Variants in DGKB observed in about 807,000 individuals in gnomAD.
DGKB encodes 90 kDa diacylglycerol kinase.
Under a neutral mutation model 114.3 loss-of-function variants are expected in DGKB, and 67 were observed. That is an observed-to-expected ratio of 0.59 (90% confidence interval 0.48 to 0.72). The LOEUF (loss-of-function observed/expected upper bound fraction) is 0.72, where lower values mean the gene tolerates loss of function less well. Ranked by LOEUF, DGKB falls within the 30% of genes least tolerant of loss-of-function variation. DGKB has a pLI of 0.00. For synonymous variants in DGKB, 398 were observed against 323.1 expected, an observed-to-expected ratio of 1.23 and a Z score of -2.49; for missense variants, 907 against 975.2, an observed-to-expected ratio of 0.93 and a Z score of 0.93.
At chr7:14,958,812 G>T (rs542036859) in intron 1 of DGKB, among the ~76,000 whole-genome samples, 2 of 152,028 alleles carry the variant, frequency 1.3e-5, no homozygotes, top group Non-Finnish European at 2.9e-5. Flanking sequence ...CCCACATAGC[G>T]TGCTGGAATC....
intron 21 of DGKB, among the ~76,000 whole-genome samples, chr7:14,383,993 G>A (rs1449752926): frequency 6.6e-6 from 1 of 152,146 alleles, no homozygotes; most frequent in Non-Finnish European, 1.5e-5. Flanking sequence ...CCATACTTTG[G>A]TCATCATCAA....
chr7:14,658,953 G>A (rs976759478), intron 13 of DGKB, among the ~76,000 whole-genome samples: 1 of 151,760 alleles, frequency 6.6e-6, no homozygotes, highest in African/African-American at 2.4e-5. Context: ...CGCAGAATGT[G>A]CAGGTTTGTT....
chr7:14,699,508 T>C (rs1012763526), intron 7 of DGKB, among the ~76,000 whole-genome samples: 1 of 152,194 alleles, frequency 6.6e-6, no homozygotes, highest in African/African-American at 2.4e-5. Flanking sequence ...AGGTTAAACA[T>C]GTTATTATAC....
At chr7:14,336,434 T>A (rs1029656324) in intron 23 of DGKB, among the ~76,000 whole-genome samples, 2 of 152,226 alleles carry the variant, frequency 1.3e-5, no homozygotes, top group Non-Finnish European at 2.9e-5. Flanking sequence ...AACATACTTC[T>A]GTTTTTGCTC....
chr7:14,891,968 G>T (rs557254775), intron 1 of DGKB, among the ~76,000 whole-genome samples: 42 of 151,340 alleles, frequency 2.8e-4, no homozygotes, highest in Non-Finnish European at 4.4e-4. Flanking sequence ...AAAATGCAAA[G>T]CCATTGAGAA....
chr7:14,228,226 A>C (rs899519789), intron 23 of DGKB, among the ~76,000 whole-genome samples: 27 of 152,022 alleles, frequency 1.8e-4, no homozygotes, highest in African/African-American at 6.5e-4. Context: ...CACAGGGTAG[A>C]AACAGCTGGA....
Position 14,727,947 on chromosome 7 carries a change from G to T in DGKB, c.322+8094C>A, listed in dbSNP as rs535055365. On this transcript the variant is annotated intron_variant, in intron 5 of 25. Coordinates refer to ENST00000402815, the MANE Select transcript of DGKB (RefSeq NM_001350709.2). Reference sequence around the variant, plus strand: ...TTGGTGAAAGAACATTTCTCCCAAGGTTCAAGTATCTCATTCTCATTGTAC... The same window carrying T: ...TTGGTGAAAGAACATTTCTCCCAAGTTTCAAGTATCTCATTCTCATTGTAC... 2.3e-3 allele frequency among the ~76,000 whole-genome samples: 355 copies of T among 152,210 alleles called. 3 individuals carry two copies. Among genetic ancestry groups the T allele is most frequent in the Non-Finnish European group, 2.0e-3 (137 of 68,008 alleles).
chr7:14,853,564 A>T (rs565207835), intron 1 of DGKB, among the ~76,000 whole-genome samples: 2 of 152,074 alleles, frequency 1.3e-5, no homozygotes, highest in East Asian at 3.9e-4. Context: ...TTGAAATATA[A>T]TTATTCTTTA....
intron 20 of DGKB, among the ~76,000 whole-genome samples, chr7:14,486,323 A>T (rs1474479397): frequency 6.6e-6 from 1 of 152,188 alleles, no homozygotes; most frequent in African/African-American, 2.4e-5. Flanking sequence ...ATTGGAGGAA[A>T]GTTTACTCTT....
At chr7:14,926,055 T>C (rs1344928825) in intron 1 of DGKB, among the ~76,000 whole-genome samples, 1 of 152,140 alleles carries the variant, frequency 6.6e-6, no homozygotes, top group Non-Finnish European at 1.5e-5. Flanking sequence ...TTTACCAAAT[T>C]GAAAGAAAAA....
chr7:14,715,241 G>T (rs1029919525), intron 6 of DGKB, among the ~76,000 whole-genome samples: 2 of 152,136 alleles, frequency 1.3e-5, no homozygotes, highest in Non-Finnish European at 2.9e-5. Flanking sequence ...CATAGGCTGG[G>T]ATCAAAGTAA....
chr7:14,903,879 C>G (rs2128240684), upstream of DGKB, among the ~76,000 whole-genome samples: 1 of 152,226 alleles, frequency 6.6e-6, no homozygotes, highest in Middle Eastern at 3.4e-3. Context: ...CACGGGGTAT[C>G]TTGACATAGA....
chr7:14,180,064 G>A (rs1782404201), intron 23 of DGKB, among the ~76,000 whole-genome samples: 1 of 152,128 alleles, frequency 6.6e-6, no homozygotes, highest in African/African-American at 2.4e-5. Context: ...AAACGACATT[G>A]TGGCAAGCAC....
In DGKB at chr7:14,841,245, AT is replaced by A; in HGVS notation, c.18del (p.Lys6AsnfsTer24). The A allele has an allele frequency of 6.2e-7, 1 of 1,613,338 alleles. No individual in the cohort carries two copies. Reference sequence around the variant, plus strand: ...AATTCCGAAGGGCTGAGGTGGGCCCATTTTTCCTGGTTTGTCATGGTGGTGG... The same window carrying A: ...AATTCCGAAGGGCTGAGGTGGGCCCATTTTCCTGGTTTGTCATGGTGGTGG... MTNQE[K>X]WAHLSPSEFS... On this transcript the variant is annotated frameshift_variant, in exon 2 of 26. Transcript: ENST00000402815. LOFTEE classifies it high-confidence loss of function.
intron 1 of DGKB, among the ~76,000 whole-genome samples, chr7:14,899,671 A>T (rs1054922457): frequency 6.6e-6 from 1 of 152,116 alleles, no homozygotes; most frequent in African/African-American, 2.4e-5. Context: ...GGGTAGCCAA[A>T]GCAAAGCCTG....
At chr7:14,197,959 A>C (rs1785263468) in intron 23 of DGKB, among the ~76,000 whole-genome samples, 1 of 152,078 alleles carries the variant, frequency 6.6e-6, no homozygotes, top group South Asian at 2.1e-4. Context: ...GATCTGCCCA[A>C]GGGAAATGAG....
chr7:14,495,904 T>C (rs1161296077), intron 20 of DGKB, among the ~76,000 whole-genome samples: 3 of 151,956 alleles, frequency 2.0e-5, no homozygotes, highest in African/African-American at 7.2e-5. Flanking sequence ...ATTGCAAATT[T>C]GTTGCTAAAT....
chr7:14,833,399 TTTG>T (rs987291006), intron 2 of DGKB, among the ~76,000 whole-genome samples: 8 of 61,068 alleles, frequency 1.3e-4, no homozygotes, highest in African/African-American at 3.5e-4. Context: ...AAGATTTATG[TTTG>T]TTTTTATGTT....
At chr7:14,610,653 A>G (rs773830831) in intron 16 of DGKB, among the ~76,000 whole-genome samples, 7 of 152,076 alleles carry the variant, frequency 4.6e-5, no homozygotes, top group Non-Finnish European at 8.8e-5. Context: ...ATCTGCTCAT[A>G]TCACCTAGAG....
Sources: allele counts gnomAD v4.1 joint callset (sites outside exome capture counted in the v4.1 genomes callset), GRCh38; gene constraint gnomAD v4.1.1; transcripts MANE v1.5; gene names NCBI Gene and HGNC (gene_info 2026-07-23, HGNC 2026-07-21).